KRTCAP2: variants seen among roughly 807,000 people sequenced by gnomAD.
KRTCAP2 encodes the protein dolichyl-diphosphooligosaccharide--protein glycosyltransferase subunit KCP2.
Under a neutral mutation model 16.5 loss-of-function variants are expected in KRTCAP2, and 10 were observed. That is an observed-to-expected ratio of 0.60 (90% confidence interval 0.37 to 1.02). The LOEUF is 1.02. Ranked by LOEUF, KRTCAP2 falls within the 50% of genes least tolerant of loss-of-function variation. The pLI, the probability that KRTCAP2 is intolerant of heterozygous loss-of-function variation, is 0.01. For missense variants in KRTCAP2, 152 were observed against 159.6 expected, an observed-to-expected ratio of 0.95 and a Z score of 0.26; for synonymous variants, 68 against 69.8, an observed-to-expected ratio of 0.97 and a Z score of 0.13.
intron 3 of KRTCAP2, chr1:155,171,858 A>AG: frequency 3.1e-6 from 3 of 975,726 alleles, no homozygotes; most frequent in Non-Finnish European, 3.7e-6. Context: ...AAAAAAAAAA[A>AG]AAAAAAAAAA....
At position 155,170,028 on chromosome 1, in the gene KRTCAP2, T is replaced by C. The variant is rs1665189661; in HGVS notation, c.224-171A>G. 8 of 548,020 alleles carry C rather than the reference T, an allele frequency of 1.5e-5. No individual in the cohort carries two copies. The East Asian group carries it at 2.6e-4, about 18-fold the overall frequency. The allele number at this position is 548,020 out of a possible 1,614,324, so 33.9% of individuals were successfully genotyped here. A position where few individuals can be genotyped will look rare whatever the true frequency, so the allele number is the denominator to read the frequency against. On this transcript the variant is annotated intron_variant, in intron 3 of 4. Transcript: ENST00000295682. Reference sequence around the variant, plus strand: ...GATTACCTTAATGATACCCAGAACATGGAGGTAGGAGGTTGAGTGTGGTGG... The same window carrying C: ...GATTACCTTAATGATACCCAGAACACGGAGGTAGGAGGTTGAGTGTGGTGG...
intron 3 of KRTCAP2, chr1:155,170,318 C>G (rs1246880895): frequency 8.2e-6 from 1 of 121,964 alleles, no homozygotes. Flanking sequence ...CCAGCCTGGG[C>G]AACAGAGTGA....
At chr1:155,169,983 G>T in intron 3 of KRTCAP2, 126 bp from the exon 4 acceptor site, 1 of 642,716 alleles carries the variant, frequency 1.6e-6, no homozygotes, top group South Asian at 1.8e-5. Flanking sequence ...GGGTAAGCGT[G>T]ACTACAGCAG....
At chr1:155,172,965 G>C (rs1415120661) in intron 1 of KRTCAP2, 73 bp from the exon 2 acceptor site, 1 of 1,529,356 alleles carries the variant, frequency 6.5e-7, no homozygotes, top group Non-Finnish European at 8.9e-7. Context: ...CAGATCAGCC[G>C]GTCCGGAAGC....
At chr1:155,171,827 G>A (rs1459546784) in intron 3 of KRTCAP2, 31 of 891,518 alleles carry the variant, frequency 3.5e-5, no homozygotes, top group Middle Eastern at 5.9e-4. Context: ...CAGCCTAGGC[G>A]ACAGAGTAAA....
intron 3 of KRTCAP2, 168 bp downstream of exon 3, chr1:155,172,397 G>A: frequency 6.8e-7 from 1 of 1,460,806 alleles, no homozygotes; most frequent in South Asian, 1.4e-5. Flanking sequence ...TCCAACTCCA[G>A]GAGCTATACA....
In KRTCAP2 at chr1:155,169,443, G is replaced by C. The variant is rs772774857; in HGVS notation, c.408C>G (p.Asn136Lys). Reference protein sequence around the residue: ...AKVTGKSKKRN With the variant: ...AKVTGKSKKRK ...CAACTTTATTGAACATTCAGGGTCA[G>C]TTTCTCTTCTTGCTCTTGCCTGTGA... Residue 136 changes from asparagine (N) to lysine (K), a missense_variant, in exon 5 of 5, where the codon AAC (asparagine) becomes AAG (lysine). Asn to Lys is a moderately conservative substitution (Grantham distance 94, BLOSUM62 0). Transcript: ENST00000295682. 1.6e-5 allele frequency: 26 copies of C among 1,613,980 alleles called. No individual in the cohort carries two copies. Among genetic ancestry groups the C allele is most frequent in the Admixed American group, 5.0e-5 (3 of 60,010 alleles).
rs1665217091 is a variant in KRTCAP2 at position 155,170,870 on chromosome 1, GCAGTTT to G, written c.224-1019_224-1014del. The G allele has an allele frequency of 2.0e-5, 3 of 152,094 alleles. No individual in the cohort carries two copies. In the East Asian group the frequency reaches 5.8e-4, roughly 29 times the overall value. The allele number at this position is 152,094 out of a possible 1,614,324, so 9.4% of individuals were successfully genotyped here. On this transcript the variant is annotated intron_variant, in intron 3 of 4. Coordinates refer to ENST00000295682, the MANE Select transcript of KRTCAP2 (RefSeq NM_173852.4). ...GTCGCCCAGGCTGGAGTGCAGTGGT[GCAGTTT>G]CAGCTCACTGCAGCCTTGATCTCCT... is the stretch of plus-strand genomic sequence containing the variant.
In KRTCAP2 at chr1:155,172,333, G is replaced by A. The variant is rs1665280274; in HGVS notation, c.223+232C>T. 2.9e-6 allele frequency: 4 copies of A among 1,380,090 alleles called. No homozygotes were observed. The African/African-American group carries it at 5.8e-5, about 20-fold the overall frequency. 85.5% of individuals were successfully genotyped at this position (1,380,090 alleles called of 1,614,324 possible). The stretch of plus-strand genomic sequence containing the variant: ...CCTGTTCCCCTCAAACCTTCCCTGG[G>A]AGCTGGCCAGAAGGTACCAAAGTTT... On this transcript the variant is annotated intron_variant, in intron 3 of 4. Coordinates refer to ENST00000295682, the MANE Select transcript of KRTCAP2 (RefSeq NM_173852.4).
At position 155,173,258 on chromosome 1, in the gene KRTCAP2, G is replaced by A. The variant is rs771405543; in HGVS notation, c.-34C>T. 5 of 1,614,002 alleles carry A rather than the reference G, an allele frequency of 3.1e-6. No homozygotes were observed. Among genetic ancestry groups the A allele is most frequent in the South Asian group, 2.2e-5 (2 of 91,072 alleles). On this transcript the variant is annotated 5_prime_UTR_variant, in exon 1 of 5. Coordinates refer to ENST00000295682, the MANE Select transcript of KRTCAP2 (RefSeq NM_173852.4). ...GCCCGTGAGTCCAACCGGCGCCTCT[G>A]GCCAAGAAAGGCGAGCTGAACCGGG...
intron 3 of KRTCAP2, chr1:155,170,739 T>A (rs1254951357): frequency 6.6e-6 from 1 of 152,082 alleles, no homozygotes. Context: ...CCTGCCCAGG[T>A]GGAGAGGGCA....
chr1:155,171,408 G>T, intron 3 of KRTCAP2: 1 of 941,604 alleles, frequency 1.1e-6, no homozygotes, highest in Non-Finnish European at 1.2e-6. Flanking sequence ...GACAGAGCGA[G>T]ACTCCATCTC....
At chr1:155,173,009 A>G (rs1443648804) in intron 1 of KRTCAP2, 117 bp from the exon 2 acceptor site, 1 of 1,132,756 alleles carries the variant, frequency 8.8e-7, no homozygotes, top group Non-Finnish European at 1.3e-6. Flanking sequence ...AACTCCCGGG[A>G]CTGCAGCCAC....
intron 3 of KRTCAP2, chr1:155,171,847 C>CAAAAA (rs56344097): frequency 2.0e-5 from 13 of 657,454 alleles, no homozygotes; most frequent in African/African-American, 3.6e-5. Context: ...AGCCTTGTCT[C>CAAAAA]AAAAAAAAAA....
At position 155,169,490 on chromosome 1, in the gene KRTCAP2, G is replaced by C. The variant is rs1169758552; in HGVS notation, c.361C>G (p.Pro121Ala). 2 of 1,614,004 alleles carry C rather than the reference G, an allele frequency of 1.2e-6. No homozygotes were observed. The highest frequency in any genetic ancestry group is 1.7e-6 in the Non-Finnish European group (2 of 1,179,986). ...GTGACCTTGGCTGGTGTGAGGACTG[G>C]AGCTGCTGCCTGGTACAGGGTGGAG... ...ISSTLYQAAA[P>A]VLTPAKVTGK... The change falls in exon 5 of 5, where the codon CCA becomes GCA. Residue 121 changes from proline to alanine, a missense_variant. By Grantham distance (27) the Pro-to-Ala change is conservative (BLOSUM62 -1). Coordinates refer to ENST00000295682, the MANE Select transcript of KRTCAP2 (RefSeq NM_173852.4).
Position 155,169,417 on chromosome 1 carries a change from T to C in KRTCAP2, c.*23A>G. 1 of 1,612,938 alleles carries C rather than the reference T, an allele frequency of 6.2e-7. No individual in the cohort carries two copies. The highest frequency in any genetic ancestry group is 8.5e-7 in the Non-Finnish European group (1 of 1,179,442). ...TCACAACTCACAGAGCTACAAAGAATCAACTTTATTGAACATTCAGGGTCA... is the reference window on the plus strand; with the variant it reads ...TCACAACTCACAGAGCTACAAAGAACCAACTTTATTGAACATTCAGGGTCA... On this transcript the variant is annotated 3_prime_UTR_variant, in exon 5 of 5. Coordinates refer to ENST00000295682, the MANE Select transcript of KRTCAP2 (RefSeq NM_173852.4).
At chr1:155,170,151 C>T (rs1349868130) in intron 3 of KRTCAP2, 2 of 221,280 alleles carry the variant, frequency 9.0e-6, no homozygotes, top group Non-Finnish European at 1.8e-5. Flanking sequence ...TGAGACCCAT[C>T]TCTTAAAAAA....
chr1:155,171,956 G>A (rs1665265541), intron 3 of KRTCAP2: 1 of 986,126 alleles, frequency 1.0e-6, no homozygotes, highest in South Asian at 4.7e-5. Flanking sequence ...GAATTTCTGA[G>A]CACGTGGCAT....
Position 155,172,786 on chromosome 1 carries a change from G to A in KRTCAP2, c.111C>T (p.Thr37=), listed in dbSNP as rs369840909. 6.2e-7 allele frequency: 1 copy of A among 1,614,234 alleles called. No individual in the cohort carries two copies. Among genetic ancestry groups the A allele is most frequent in the Non-Finnish European group, 8.5e-7 (1 of 1,180,040 alleles). The part of the protein sequence containing the change: ...SRQLASTEWL[T]IQGGLLGSGL... ...CCGAACCAAGCAGGCCGCCCTGGAT[G>A]GTGAGCCACTCGGTGGAGGCCAGCT... The change falls in exon 2 of 5, where the codon ACC becomes ACT. Residue 37 remains threonine, a synonymous_variant. Coordinates refer to ENST00000295682, the MANE Select transcript of KRTCAP2 (RefSeq NM_173852.4).
Sources: allele counts gnomAD v4.1 joint callset, GRCh38; gene constraint gnomAD v4.1.1; transcripts MANE v1.5; gene names NCBI Gene and HGNC (gene_info 2026-07-23, HGNC 2026-07-21).